Variants in GNAI2 observed in about 807,000 individuals in gnomAD.
GNAI2 encodes G protein subunit alpha i2.
In GNAI2, 4 loss-of-function variants were observed where a neutral mutation model predicts 36.8. That is an observed-to-expected ratio of 0.11 (90% CI 0.05 to 0.25). The LOEUF (loss-of-function observed/expected upper bound fraction) is 0.25, where lower values mean the gene tolerates loss of function less well. Among genes scored for constraint, GNAI2 ranks in the 10% least tolerant of loss-of-function variants. The pLI, the probability that GNAI2 is intolerant of heterozygous loss-of-function variation, is 1.00. For missense variants in GNAI2, 230 were observed against 481.3 expected (o/e 0.48, Z 4.89); for synonymous variants, 194 against 194.1 (o/e 1.00, Z 0.01).
intron 1 of GNAI2, among the ~76,000 whole-genome samples, chr3:50,243,703 C>T (rs782075662): frequency 5.9e-5 from 9 of 152,224 alleles, no homozygotes; most frequent in African/African-American, 9.6e-5. Context: ...CACTGATGGA[C>T]AAACTGAAGC....
At chr3:50,244,055 G>T (rs1475556543) in intron 1 of GNAI2, among the ~76,000 whole-genome samples, 6 of 138,014 alleles carry the variant, frequency 4.3e-5, no homozygotes, top group African/African-American at 1.6e-4. Context: ...TTGAGATGGA[G>T]TCTCACTCTG....
Position 50,257,708 on chromosome 3 carries a change from C to A in GNAI2, c.*18C>A. On this transcript the variant is annotated 3_prime_UTR_variant, in exon 8 of 9. Transcript: ENST00000313601. ...TCTTCTGAGGGGCAGCGGGGCCTGG[C>A]GGGATGGTGAGCCAGAGGGGCTGTG... The A allele has an allele frequency of 7.9e-7, 1 of 1,263,050 alleles. No individual in the cohort carries two copies. The highest frequency in any genetic ancestry group is 2.5e-5 in the Admixed American group (1 of 40,154). 78.2% of individuals were successfully genotyped at this position (1,263,050 alleles called of 1,614,324 possible).
chr3:50,249,176 C>T (rs587714049), intron 1 of GNAI2, among the ~76,000 whole-genome samples: 131 of 152,280 alleles, frequency 8.6e-4, no homozygotes, highest in African/African-American at 3.0e-3. Context: ...TCGCCTGGCT[C>T]GGGACTGCAT....
At chr3:50,229,399 G>C (rs1304243648), upstream of GNAI2, 1 of 152,262 alleles carries the variant, frequency 6.6e-6, no homozygotes, top group African/African-American at 2.4e-5. Flanking sequence ...GGCTTGGGTA[G>C]CTCCTCCCCA....
intron 1 of GNAI2, chr3:50,247,031 G>A (rs200422517): frequency 1.9e-6 from 2 of 1,079,580 alleles, no homozygotes; most frequent in Non-Finnish European, 2.7e-6. Context: ...TCCTTCAAAT[G>A]AGATGACCAC....
In GNAI2 at chr3:50,236,557, TC is replaced by T; in HGVS notation, c.118+105del. 1 of 1,443,320 alleles carries T rather than the reference TC, an allele frequency of 6.9e-7. No individual in the cohort carries two copies. The highest frequency in any genetic ancestry group is 9.1e-7 in the Non-Finnish European group (1 of 1,097,724). The allele number at this position is 1,443,320 out of a possible 1,614,324, so 89.4% of individuals were successfully genotyped here. ...GCTTCAAACTCCCAGACCCGGGCTG[TC>T]TGGGACCCCACACCTGGGCCAGGAC... On this transcript the variant is annotated intron_variant, in intron 1 of 8. Transcript: ENST00000313601. This position sits in a 1 kb window ranked among gnomAD's most constrained non-coding sequence, Gnocchi z 4.0.
chr3:50,250,507 G>A (rs2109206454), intron 1 of GNAI2, among the ~76,000 whole-genome samples: 1 of 152,330 alleles, frequency 6.6e-6, no homozygotes, highest in East Asian at 1.9e-4. Flanking sequence ...GCAGGGCCCT[G>A]GAGATAGCTA....
chr3:50,229,782 C>G (rs1000468909), upstream of GNAI2: 8 of 152,360 alleles, frequency 5.3e-5, no homozygotes, highest in African/African-American at 1.9e-4. Context: ...CCCAGTGGCT[C>G]TAGTGTCACC....
intron 1 of GNAI2, among the ~76,000 whole-genome samples, chr3:50,239,068 A>G (rs1369883638): frequency 6.6e-6 from 1 of 152,086 alleles, no homozygotes; most frequent in East Asian, 1.9e-4. Context: ...TATTCTAGGG[A>G]TGCTCCCCAC....
chr3:50,232,887 T>TG (rs1249487169), upstream of GNAI2, among the ~76,000 whole-genome samples: 6 of 136,656 alleles, frequency 4.4e-5, no homozygotes, highest in Admixed American at 1.5e-4. Context: ...CTGTGGCTGG[T>TG]GGGGGGATCA....
At chr3:50,256,358 T>C (rs1553703187) in intron 5 of GNAI2, 38 bp downstream of exon 5, 1 of 1,602,288 alleles carries the variant, frequency 6.2e-7, no homozygotes, top group South Asian at 1.1e-5. Context: ...GGGCAGGACC[T>C]GCCAGCCTCT....
chr3:50,252,661 C>T lies in GNAI2; in HGVS notation c.303+123C>T, dbSNP rs1358567796. 1.3e-6 allele frequency: 1 copy of T among 796,552 alleles called. No homozygotes were observed. The highest frequency in any genetic ancestry group is 2.0e-6 in the Non-Finnish European group (1 of 502,128). 49.3% of individuals were successfully genotyped at this position (796,552 alleles called of 1,614,324 possible). ...CCGAGGCGGGTGGATCACCTGAGGTCAGGACCAGCCTGGCCAACTTGGTGA... is the reference window on the plus strand; with the variant it reads ...CCGAGGCGGGTGGATCACCTGAGGTTAGGACCAGCCTGGCCAACTTGGTGA... On this transcript the variant is annotated intron_variant, in intron 3 of 8. Coordinates refer to ENST00000313601, the MANE Select transcript of GNAI2 (RefSeq NM_002070.4). The surrounding 1 kb of genome is among the most constrained non-coding windows in gnomAD (Gnocchi z 4.1).
chr3:50,252,000 G>A, intron 1 of GNAI2, 100 bp from the exon 2 acceptor site: 1 of 1,202,052 alleles, frequency 8.3e-7, no homozygotes. Flanking sequence ...TGGTGGGAAG[G>A]TTAGTTCTGC....
intron 4 of GNAI2, 134 bp from the exon 5 acceptor site, chr3:50,256,044 CAAAAAAAAAAAAAA>C (rs1170893603): frequency 3.5e-4 from 50 of 142,752 alleles, no homozygotes; most frequent in African/African-American, 2.2e-3. Context: ...CACTCTGTCT[CAAAAAAAAAAAAAA>C]AAAAAAAAAA....
rs1295180667 is a variant in GNAI2 at position 50,255,484 on chromosome 3, G to A, written c.465-708G>A. Among the ~76,000 whole-genome samples, 4 of 152,190 alleles carry A rather than the reference G, an allele frequency of 2.6e-5. No individual in the cohort carries two copies. Among genetic ancestry groups the A allele is most frequent in the South Asian group, 2.1e-4 (1 of 4,826 alleles). On this transcript the variant is annotated intron_variant, in intron 4 of 8. Transcript: ENST00000313601. This position sits in a 1 kb window ranked among gnomAD's most constrained non-coding sequence, Gnocchi z 4.0. ...GAGGGACCGCACCCGGCTGCTCTGC[G>A]GCTAATGCCGTAATTGCGCCCATTA...
At chr3:50,256,470 C>G in intron 5 of GNAI2, 150 bp downstream of exon 5, 1 of 781,298 alleles carries the variant, frequency 1.3e-6, no homozygotes, top group Non-Finnish European at 2.2e-6. Flanking sequence ...CCTAGTGAAC[C>G]AGCAGTCAGG....
At chr3:50,256,078 G>T in intron 4 of GNAI2, 114 bp from the exon 5 acceptor site, 2 of 386,454 alleles carry the variant, frequency 5.2e-6, no homozygotes, top group Non-Finnish European at 4.8e-6. Context: ...AAAAAAGCAA[G>T]GGCTGTGCTT....
chr3:50,257,168 A>C, intron 7 of GNAI2, 78 bp downstream of exon 7: 1 of 1,286,768 alleles, frequency 7.8e-7, no homozygotes, highest in South Asian at 1.3e-5. Context: ...GGTGGCCCTC[A>C]GGCGCCCCCC....
chr3:50,231,335 A>G (rs1356646954), upstream of GNAI2, among the ~76,000 whole-genome samples: 6 of 152,214 alleles, frequency 3.9e-5, no homozygotes, highest in Admixed American at 6.5e-5. Flanking sequence ...CTGGAGGGCA[A>G]TGGTGCGATC....
Sources: gnomAD v4.1 joint callset for allele counts (sites outside exome capture counted in the v4.1 genomes callset) on GRCh38, gnomAD v4.1.1 for gene constraint, Gnocchi (gnomAD v3.1) non-coding constraint, MANE v1.5 for transcripts, NCBI Gene and HGNC (gene_info 2026-07-23, HGNC 2026-07-21) for gene names.